Variants in SHPRH observed in about 807,000 individuals in gnomAD.
The protein encoded by SHPRH is E3 ubiquitin-protein ligase SHPRH.
Under a neutral mutation model 202.5 loss-of-function variants are expected in SHPRH, and 106 were observed. That is an observed-to-expected ratio of 0.52 (90% CI 0.45 to 0.62). SHPRH has a LOEUF of 0.62. Ranked by LOEUF, SHPRH falls within the 20% of genes least tolerant of loss-of-function variation. The pLI is 0.00. For missense variants in SHPRH, 1,710 were observed against 2,020.0 expected (o/e 0.85, Z 2.94); for synonymous variants, 729 against 686.0 (o/e 1.06, Z -0.98).
chr6:145,934,273 C>T (rs1785797998), intron 13 of SHPRH, among the ~76,000 whole-genome samples: 1 of 151,868 alleles, frequency 6.6e-6, no homozygotes, highest in Admixed American at 6.6e-5. Flanking sequence ...TCAAGACCAG[C>T]CTGACCAACA....
intron 21 of SHPRH, 38 bp from the exon 22 acceptor site, chr6:145,919,529 T>C: frequency 1.9e-6 from 3 of 1,604,638 alleles, no homozygotes; most frequent in African/African-American, 1.3e-5. Flanking sequence ...TGGTAAAGCA[T>C]GTAATTAAAA....
At chr6:145,873,415 C>G (rs181538347) in intron 2 of SHPRH, among the ~76,000 whole-genome samples, 16 of 152,216 alleles carry the variant, frequency 1.1e-4, no homozygotes, top group South Asian at 2.1e-4. Context: ...AATAGCCAGT[C>G]TGTTTATTCT....
intron 9 of SHPRH, among the ~76,000 whole-genome samples, chr6:145,942,906 T>A (rs1417233915): frequency 6.6e-6 from 1 of 152,188 alleles, no homozygotes; most frequent in Non-Finnish European, 1.5e-5. Context: ...TTAAAAAGCT[T>A]CCACATCTTT....
Position 145,955,132 on chromosome 6 carries a change from T to C in SHPRH, c.191A>G (p.Glu64Gly). 1 of 1,613,812 alleles carries C rather than the reference T, an allele frequency of 6.2e-7. No homozygotes were observed. The highest frequency in any genetic ancestry group is 1.1e-5 in the South Asian group (1 of 91,088). Residue 64 changes from glutamate to glycine, a missense_variant, in exon 2 of 30, where the codon GAA (glutamate) becomes GGA (glycine). Physicochemically the swap from Glu to Gly is moderately conservative, Grantham distance 98. Around this residue, in one of 8 missense-constraint regions of SHPRH, gnomAD observed 459 missense variants for 426.5 expected, o/e 1.08. Transcript: ENST00000275233. ...CCTCTTCTTATCTCTGTGAGCCACT[T>C]CTTCCTTTAGACTATCACTTAGAAT... ...YIILSDSLKE[E>G]VAHRDKKRCS... is the part of the protein sequence containing the mutation.
At chr6:145,913,617 C>A in intron 23 of SHPRH, 68 bp from the exon 24 acceptor site, 2 of 1,340,602 alleles carry the variant, frequency 1.5e-6, no homozygotes, top group East Asian at 2.4e-5. Flanking sequence ...ATATGTTTTG[C>A]AACTCATTTA....
chr6:145,884,595 TA>T, downstream of SHPRH: 1 of 152,284 alleles, frequency 6.6e-6, no homozygotes, highest in Admixed American at 6.5e-5. Flanking sequence ...AAAGAAAACT[TA>T]AAAAATCCTT....
chr6:145,893,901 T>G (rs958235092), intron 27 of SHPRH, among the ~76,000 whole-genome samples: 42 of 151,500 alleles, frequency 2.8e-4, no homozygotes, highest in African/African-American at 9.9e-4. Flanking sequence ...TCATAGGCAA[T>G]CTTTTCCTGT....
downstream of SHPRH, among the ~76,000 whole-genome samples, chr6:145,882,027 T>C (rs937488100): frequency 6.6e-6 from 1 of 151,510 alleles, no homozygotes; most frequent in African/African-American, 2.4e-5. Flanking sequence ...GCCTGAGAAG[T>C]TGAGGCTGCA....
intron 1 of SHPRH, among the ~76,000 whole-genome samples, chr6:145,961,003 AT>A (rs1405316767): frequency 6.6e-6 from 1 of 151,758 alleles, no homozygotes; most frequent in Non-Finnish European, 1.5e-5. Flanking sequence ...TCATGCTCTT[AT>A]GGTAATCTAC....
At chr6:145,872,984 G>A (rs1402873508) in intron 2 of SHPRH, among the ~76,000 whole-genome samples, 6 of 152,158 alleles carry the variant, frequency 3.9e-5, no homozygotes, top group African/African-American at 1.4e-4. Flanking sequence ...GCAAAATGAT[G>A]AGAATACATG....
chr6:145,886,811 C>G, intron 29 of SHPRH, 24 bp from the exon 30 acceptor site: 1 of 1,607,818 alleles, frequency 6.2e-7, no homozygotes, highest in Non-Finnish European at 8.5e-7. Flanking sequence ...CAAATGAGCA[C>G]AGTCAGAAAG....
chr6:145,869,096 C>G (rs1779936076), intron 2 of SHPRH, among the ~76,000 whole-genome samples: 1 of 152,172 alleles, frequency 6.6e-6, no homozygotes, highest in African/African-American at 2.4e-5. Context: ...AGGTGTGTAT[C>G]AATATCTTGT....
chr6:145,946,819 G>A (rs1246245201), intron 6 of SHPRH, among the ~76,000 whole-genome samples: 1 of 151,772 alleles, frequency 6.6e-6, no homozygotes, highest in Non-Finnish European at 1.5e-5. Context: ...ATAACATAAT[G>A]CTAAAGCTGT....
intron 11 of SHPRH, among the ~76,000 whole-genome samples, chr6:145,939,630 C>A (rs1184580227): frequency 6.6e-6 from 1 of 152,098 alleles, no homozygotes; most frequent in Admixed American, 6.6e-5. Flanking sequence ...ACCTTATTAA[C>A]GCCTAAACAT....
intron 28 of SHPRH, among the ~76,000 whole-genome samples, chr6:145,889,651 T>C (rs1303259490): frequency 2.6e-5 from 4 of 152,180 alleles, no homozygotes; most frequent in Admixed American, 2.6e-4. Context: ...ATAAATTTCA[T>C]GTTTAGACTG....
intron 15 of SHPRH, 127 bp from the exon 16 acceptor site, chr6:145,926,423 T>C (rs1784885169): frequency 4.9e-6 from 4 of 822,426 alleles, no homozygotes; most frequent in Non-Finnish European, 7.6e-6. Context: ...ACTTTTCCTA[T>C]AAAAAAATCT....
intron 25 of SHPRH, chr6:145,904,690 A>C (rs1782793809): frequency 6.6e-6 from 1 of 152,160 alleles, no homozygotes; most frequent in Non-Finnish European, 1.5e-5. Flanking sequence ...GCAGTGTGAC[A>C]ACGTCGAGGA....
At chr6:145,924,114 C>A (rs1784661262) in intron 17 of SHPRH, among the ~76,000 whole-genome samples, 1 of 151,938 alleles carries the variant, frequency 6.6e-6, no homozygotes. Context: ...GAAAAGGTCA[C>A]AGGTCTCTTT....
chr6:145,920,169 G>GTA (rs1393923486), intron 21 of SHPRH, among the ~76,000 whole-genome samples: 11 of 152,198 alleles, frequency 7.2e-5, no homozygotes, highest in African/African-American at 2.6e-4. Flanking sequence ...TGGTAGATAT[G>GTA]TACAGCAGGA....
Sources: allele counts gnomAD v4.1 joint callset (sites outside exome capture counted in the v4.1 genomes callset), GRCh38; gene constraint gnomAD v4.1.1; regional missense constraint gnomAD v4.1.1; transcripts MANE v1.5; gene names NCBI Gene and HGNC (gene_info 2026-07-23, HGNC 2026-07-21).